SLC8A1: variants seen among roughly 807,000 people sequenced by gnomAD.
SLC8A1 encodes the protein sodium/calcium exchanger 1.
SLC8A1 carries 18 observed loss-of-function variants against 68.3 expected under a neutral mutation model. The ratio of observed to expected loss-of-function variants is 0.26; its 90% CI spans 0.18 to 0.39. The LOEUF is 0.39. Among genes scored for constraint, SLC8A1 ranks in the 10% least tolerant of loss-of-function variants. The probability of loss-of-function intolerance (pLI) is 1.00; values close to 1 mark genes in which losing one functional copy is unlikely to be tolerated. For missense variants in SLC8A1, 985 were observed against 1,156.7 expected (o/e 0.85, Z 2.15); for synonymous variants, 475 against 415.5 (o/e 1.14, Z -1.74).
intron 7 of SLC8A1, among the ~76,000 whole-genome samples, chr2:40,126,843 A>G (rs1324341223): frequency 1.3e-5 from 2 of 152,164 alleles, no homozygotes; most frequent in Non-Finnish European, 2.9e-5. Flanking sequence ...ACTCCACGGG[A>G]GTAGACATAT....
chr2:40,274,092 C>A (rs2066399307), intron 2 of SLC8A1, among the ~76,000 whole-genome samples: 1 of 150,908 alleles, frequency 6.6e-6, no homozygotes, highest in South Asian at 2.1e-4. Context: ...CATATTTGCT[C>A]ATTTCCTTGG....
chr2:40,151,270 T>TGC (rs748414139), intron 6 of SLC8A1, among the ~76,000 whole-genome samples: 10 of 109,336 alleles, frequency 9.1e-5, no homozygotes, highest in Non-Finnish European at 1.6e-4. Flanking sequence ...GTATGGTGCG[T>TGC]GTGTGTGTGT....
chr2:40,147,657 G>T (rs1284882144), intron 6 of SLC8A1, among the ~76,000 whole-genome samples: 1 of 152,152 alleles, frequency 6.6e-6, no homozygotes, highest in Admixed American at 6.6e-5. Flanking sequence ...TGAAGCAACT[G>T]TTTGGGCAGT....
intron 2 of SLC8A1, among the ~76,000 whole-genome samples, chr2:40,258,017 C>T (rs905654912): frequency 2.0e-5 from 3 of 152,158 alleles, no homozygotes; most frequent in Non-Finnish European, 4.4e-5. Context: ...AATATACCAG[C>T]GTGGGTGATG....
chr2:40,255,341 C>A (rs1217578099), intron 2 of SLC8A1: 1 of 152,116 alleles, frequency 6.6e-6, no homozygotes, highest in East Asian at 1.9e-4. Context: ...GGATACAGAT[C>A]CTCAGCTTCT....
chr2:40,192,747 A>T (rs1311547643), intron 2 of SLC8A1, among the ~76,000 whole-genome samples: 2 of 151,934 alleles, frequency 1.3e-5, no homozygotes, highest in Non-Finnish European at 2.9e-5. Flanking sequence ...ACTTTTTTTT[A>T]TTGAGTTATC....
chr2:40,307,274 T>C (rs1236357050), intron 2 of SLC8A1, among the ~76,000 whole-genome samples: 1 of 152,104 alleles, frequency 6.6e-6, no homozygotes, highest in Non-Finnish European at 1.5e-5. Context: ...GGAGACATTG[T>C]GCTAAGTGAA....
intron 2 of SLC8A1, among the ~76,000 whole-genome samples, chr2:40,201,039 G>A (rs904013283): frequency 1.3e-5 from 2 of 151,274 alleles, no homozygotes; most frequent in Admixed American, 1.3e-4. Flanking sequence ...AAGACTCAAA[G>A]TAAGGGCGAG....
chr2:40,356,816 G>C (rs1371946154), intron 2 of SLC8A1, among the ~76,000 whole-genome samples: 1 of 152,092 alleles, frequency 6.6e-6, no homozygotes, highest in East Asian at 1.9e-4. Context: ...TTAATGTGAG[G>C]AGAAACCAAT....
intron 2 of SLC8A1, among the ~76,000 whole-genome samples, chr2:40,226,946 G>C (rs1358123209): frequency 6.6e-6 from 1 of 152,068 alleles, no homozygotes; most frequent in Non-Finnish European, 1.5e-5. Flanking sequence ...TAGCTCTCTT[G>C]AAAAACACAG....
chr2:40,320,547 G>T (rs896429153), intron 2 of SLC8A1, among the ~76,000 whole-genome samples: 3 of 152,150 alleles, frequency 2.0e-5, no homozygotes, highest in Non-Finnish European at 2.9e-5. Flanking sequence ...CCTAAAATCA[G>T]ACGTTTATTA....
intron 2 of SLC8A1, among the ~76,000 whole-genome samples, chr2:40,289,848 G>T (rs144753681): frequency 6.6e-6 from 1 of 150,932 alleles, no homozygotes; most frequent in African/African-American, 2.5e-5. Context: ...GCGACAGAGC[G>T]AGACTCAGTC....
chr2:40,109,429 G>A (rs1476155719), exon 8 of SLC8A1: 1 of 152,104 alleles, frequency 6.6e-6, no homozygotes, highest in Non-Finnish European at 1.5e-5. Context: ...TAATAAATAT[G>A]ATTCAAGAGG....
intron 2 of SLC8A1, among the ~76,000 whole-genome samples, chr2:40,185,053 G>C (rs1463888325): frequency 1.3e-5 from 2 of 152,090 alleles, no homozygotes; most frequent in Non-Finnish European, 2.9e-5. Flanking sequence ...CAAAGCATCT[G>C]GGAGATACCA....
At chr2:40,292,376 G>T (rs2069490992) in intron 2 of SLC8A1, among the ~76,000 whole-genome samples, 1 of 152,096 alleles carries the variant, frequency 6.6e-6, no homozygotes, top group South Asian at 2.1e-4. Context: ...CGTGGACAAT[G>T]AAACTGCCAA....
At chr2:40,370,995 A>T (rs1465673402) in intron 2 of SLC8A1, among the ~76,000 whole-genome samples, 1 of 152,010 alleles carries the variant, frequency 6.6e-6, no homozygotes, top group Non-Finnish European at 1.5e-5. Context: ...GACCACCTAC[A>T]TTTCATTTTC....
At chr2:40,393,433 G>A (rs539076465) in intron 2 of SLC8A1, among the ~76,000 whole-genome samples, 1 of 152,208 alleles carries the variant, frequency 6.6e-6, no homozygotes, top group African/African-American at 2.4e-5. Flanking sequence ...ACAGGTTCAA[G>A]GGTGGAATTG....
intron 2 of SLC8A1, among the ~76,000 whole-genome samples, chr2:40,230,545 T>C (rs1396015438): frequency 6.6e-6 from 1 of 152,122 alleles, no homozygotes; most frequent in East Asian, 1.9e-4. Flanking sequence ...CAACTCTTAA[T>C]CACTATAAAG....
chr2:40,237,141 A>T (rs1448149933), intron 2 of SLC8A1, among the ~76,000 whole-genome samples: 1 of 151,828 alleles, frequency 6.6e-6, no homozygotes, highest in African/African-American at 2.4e-5. Context: ...CCTGAATCTG[A>T]ACGTTGGCCT....
Sources: gnomAD v4.1 joint callset for allele counts (sites outside exome capture counted in the v4.1 genomes callset) on GRCh38, gnomAD v4.1.1 for gene constraint, MANE v1.5 for transcripts, NCBI Gene and HGNC (gene_info 2026-07-23, HGNC 2026-07-21) for gene names.